Variants in PTPRZ1 observed in about 807,000 individuals in gnomAD.
PTPRZ1 encodes receptor-type tyrosine-protein phosphatase zeta.
In PTPRZ1, 82 loss-of-function variants were observed where a neutral mutation model predicts 214.1. The observed-to-expected ratio is 0.38, with a 90% confidence interval of 0.32 to 0.46. The LOEUF (loss-of-function observed/expected upper bound fraction) is 0.46, where lower values mean the gene tolerates loss of function less well. Ranked by LOEUF, PTPRZ1 falls within the 20% of genes least tolerant of loss-of-function variation. PTPRZ1 has a pLI of 1.00. For missense variants in PTPRZ1, 2,603 were observed against 2,748.7 expected (o/e 0.95, Z 1.19); for synonymous variants, 945 against 987.9 (o/e 0.96, Z 0.81).
At position 122,059,623 on chromosome 7, in the gene PTPRZ1, G is replaced by A. The variant is rs1289582420; in HGVS notation, c.6672-130G>A. The A allele has an allele frequency of 2.9e-6, 3 of 1,026,342 alleles. No individual in the cohort carries two copies. In the African/African-American group the frequency reaches 4.8e-5, roughly 17 times the overall value. 63.6% of individuals were successfully genotyped at this position (1,026,342 alleles called of 1,614,324 possible). On this transcript the variant is annotated intron_variant, in intron 28 of 29. Transcript: ENST00000393386. ...CATAGTTCTTTGTGCAAAAAGCGAA[G>A]AGAGACAATTCATTAAAAGTTTCAG...
intron 1 of PTPRZ1, among the ~76,000 whole-genome samples, chr7:121,920,485 A>G (rs1470704647): frequency 6.6e-6 from 1 of 151,720 alleles, no homozygotes; most frequent in Non-Finnish European, 1.5e-5. Flanking sequence ...TTTAATTGTT[A>G]TTTGTATATA....
At chr7:121,879,307 T>G (rs1201281285) in intron 1 of PTPRZ1, among the ~76,000 whole-genome samples, 2 of 152,152 alleles carry the variant, frequency 1.3e-5, no homozygotes, top group African/African-American at 4.8e-5. Flanking sequence ...ACTTTGTATG[T>G]GTACAAGTGC....
intron 13 of PTPRZ1, 95 bp downstream of exon 13, chr7:122,019,363 A>G (rs1407292112): frequency 3.2e-6 from 4 of 1,244,998 alleles, no homozygotes; most frequent in Non-Finnish European, 3.4e-6. Context: ...TTCAAAATGT[A>G]TTTTACCTGA....
At chr7:121,875,418 C>A (rs1479169590) in intron 1 of PTPRZ1, among the ~76,000 whole-genome samples, 1 of 152,086 alleles carries the variant, frequency 6.6e-6, no homozygotes, top group Non-Finnish European at 1.5e-5. Flanking sequence ...TTCCATTATG[C>A]CAATATACTA....
At chr7:122,051,977 T>C (rs1304858522) in intron 25 of PTPRZ1, 38 bp downstream of exon 25, 2 of 1,525,820 alleles carry the variant, frequency 1.3e-6, no homozygotes, top group Non-Finnish European at 8.9e-7. Context: ...TGCCAGCTTG[T>C]GTTACAGGGA....
At position 121,967,972 on chromosome 7, in the gene PTPRZ1, G is replaced by A; in HGVS notation, c.146G>A (p.Trp49Ter). ...SYTGALNQKN[W>*]GKKYPTCNSP... is the part of the protein sequence containing the mutation. ...CTAGGAGCACTGAATCAAAAAAATT[G>A]GGGAAAGAAATATCCAACATGTAAT... Residue 49 changes from tryptophan (W) to a stop codon, truncating the protein, a stop_gained, in exon 3 of 30, where the codon TGG becomes TAG. Transcript: ENST00000393386. LOFTEE classifies it high-confidence loss of function. 1 of 1,580,398 alleles carries A rather than the reference G, an allele frequency of 6.3e-7. No homozygotes were observed.
chr7:121,892,269 C>A (rs1171117227), intron 1 of PTPRZ1, among the ~76,000 whole-genome samples: 1 of 152,066 alleles, frequency 6.6e-6, no homozygotes, highest in Non-Finnish European at 1.5e-5. Flanking sequence ...TATTTGGTTA[C>A]AACGTTTTTT....
At chr7:122,044,908 A>AG (rs1318856351) in intron 23 of PTPRZ1, among the ~76,000 whole-genome samples, 2 of 151,826 alleles carry the variant, frequency 1.3e-5, no homozygotes, top group African/African-American at 2.4e-5. Flanking sequence ...AAAAAAAAAA[A>AG]CAGACCACTT....
At chr7:121,901,833 C>T (rs1794971410) in intron 1 of PTPRZ1, among the ~76,000 whole-genome samples, 1 of 152,308 alleles carries the variant, frequency 6.6e-6, no homozygotes, top group East Asian at 1.9e-4. Context: ...CCACCTCAAA[C>T]ACTTTTCATT....
chr7:122,020,266 A>G (rs1798976314), intron 13 of PTPRZ1, among the ~76,000 whole-genome samples: 1 of 152,212 alleles, frequency 6.6e-6, no homozygotes, highest in African/African-American at 2.4e-5. Flanking sequence ...AAATGAATGA[A>G]AAAAGAGTCA....
intron 2 of PTPRZ1, among the ~76,000 whole-genome samples, chr7:121,949,319 A>G (rs577476723): frequency 6.6e-6 from 1 of 152,298 alleles, no homozygotes; most frequent in African/African-American, 2.4e-5. Flanking sequence ...AGCAGTTCCC[A>G]GCTTGACTTT....
intron 3 of PTPRZ1, among the ~76,000 whole-genome samples, chr7:121,971,740 T>C (rs926548826): frequency 1.3e-5 from 2 of 152,190 alleles, no homozygotes; most frequent in African/African-American, 2.4e-5. Context: ...TTGTTATTAT[T>C]ATTATTAGCT....
chr7:121,945,448 G>C (rs187594011), intron 2 of PTPRZ1, among the ~76,000 whole-genome samples: 7 of 152,260 alleles, frequency 4.6e-5, no homozygotes, highest in Non-Finnish European at 8.8e-5. Flanking sequence ...CTTTTTTTAA[G>C]TAGGTAATTT....
At chr7:121,941,062 C>A (rs1054337391) in intron 2 of PTPRZ1, among the ~76,000 whole-genome samples, 3 of 152,210 alleles carry the variant, frequency 2.0e-5, no homozygotes, top group African/African-American at 4.8e-5. Context: ...CTGTCCCTGT[C>A]CCTCTCTCTT....
In PTPRZ1 at chr7:121,997,971, A is replaced by G. The variant is rs972421354; in HGVS notation, c.1205A>G (p.Asp402Gly). The G allele has an allele frequency of 6.2e-7, 1 of 1,613,400 alleles. No homozygotes were observed. Among genetic ancestry groups the G allele is most frequent in the Non-Finnish European group, 8.5e-7 (1 of 1,179,700 alleles). The change falls in exon 10 of 30, where the codon GAC (aspartate) becomes GGC (glycine). Residue 402 changes from aspartate (D) to glycine (G), a missense_variant. Physicochemically the swap from Asp to Gly is moderately conservative, Grantham distance 94. This residue lies in a region of PTPRZ1 where 244 missense variants were observed against 333.2 expected (regional missense o/e 0.73). Transcript: ENST00000393386. Reference sequence around the variant, plus strand: ...AATGGCTTATATGGAAAATACAGCGACCAACTGATTGTCGACATGCCTACT... The same window carrying G: ...AATGGCTTATATGGAAAATACAGCGGCCAACTGATTGTCGACATGCCTACT... Reference protein sequence around the residue: ...CTNGLYGKYSDQLIVDMPTDN... With the variant: ...CTNGLYGKYSGQLIVDMPTDN...
At chr7:122,016,030 C>A (rs1212200256) in intron 12 of PTPRZ1, among the ~76,000 whole-genome samples, 2 of 151,920 alleles carry the variant, frequency 1.3e-5, no homozygotes, top group African/African-American at 4.8e-5. Context: ...TGGTGTATTT[C>A]TAGAATGCAG....
chr7:121,926,147 T>A lies in PTPRZ1; in HGVS notation c.59-2009T>A, dbSNP rs558693351. 7.3e-5 allele frequency among the ~76,000 whole-genome samples: 11 copies of A among 151,530 alleles called. No homozygotes were observed. The East Asian group carries it at 1.4e-3, about 19-fold the overall frequency. ...GTGAAACCCCGTCTCTACTAAAAAT[T>A]CAAAAAAATTAGCCAGGCGTGGTGG... On this transcript the variant is annotated intron_variant, in intron 1 of 29. Transcript: ENST00000393386.
chr7:121,943,260 C>CT (rs1796279485), intron 2 of PTPRZ1, among the ~76,000 whole-genome samples: 1 of 152,010 alleles, frequency 6.6e-6, no homozygotes, highest in African/African-American at 2.4e-5. Flanking sequence ...ACAGTATGTT[C>CT]TTTTTTTGAC....
Position 121,968,100 on chromosome 7 carries a change from AAC to A in PTPRZ1, c.278_279del (p.Thr93IlefsTer4). The A allele has an allele frequency of 6.2e-7, 1 of 1,604,574 alleles. No homozygotes were observed. Among genetic ancestry groups the A allele is most frequent in the Non-Finnish European group, 8.5e-7 (1 of 1,176,862 alleles). ...FQGWDKTSLE[N>X]TFIHNTGKTV... ...GGGTTGGGATAAAACATCATTGGAA[AAC>A]ACATTCATTCATAACACTGGGAAAA... is the stretch of plus-strand genomic sequence containing the variant. On this transcript the variant is annotated frameshift_variant, in exon 3 of 30. Coordinates refer to ENST00000393386, the MANE Select transcript of PTPRZ1 (RefSeq NM_002851.3). LOFTEE classifies it high-confidence loss of function.
Sources: allele counts gnomAD v4.1 joint callset (sites outside exome capture counted in the v4.1 genomes callset), GRCh38; gene constraint gnomAD v4.1.1; regional missense constraint gnomAD v4.1.1; transcripts MANE v1.5; gene names NCBI Gene and HGNC (gene_info 2026-07-23, HGNC 2026-07-21).